The following MAML3 variants were observed in gnomAD, a reference collection of about 807,000 sequenced individuals.
MAML3 encodes mastermind like transcriptional coactivator 3, also known as mastermind-like protein 3.
In MAML3, 27 loss-of-function variants were observed where a neutral mutation model predicts 101.9. The observed-to-expected ratio is 0.27, with a 90% CI of 0.20 to 0.37. The LOEUF is 0.37. Among genes scored for constraint, MAML3 ranks in the 10% least tolerant of loss-of-function variants. MAML3 has a pLI of 1.00. For missense variants in MAML3, 1,316 were observed against 1,444.9 expected (o/e 0.91, Z 1.45); for synonymous variants, 501 against 555.9 (o/e 0.90, Z 1.39).
intron 1 of MAML3, 63 bp downstream of exon 1, chr4:140,152,797 C>A (rs1411579538): frequency 1.4e-5 from 22 of 1,561,438 alleles, no homozygotes; most frequent in African/African-American, 2.7e-5. Context: ...AAGCTCCACG[C>A]GCCCCCCACC....
chr4:140,131,867 C>A (rs546847354), intron 1 of MAML3, among the ~76,000 whole-genome samples: 1 of 152,228 alleles, frequency 6.6e-6, no homozygotes, highest in South Asian at 2.1e-4. Context: ...TGTCTCCACT[C>A]AAAATGAGAC....
In MAML3 at chr4:139,890,803, T is replaced by C; in HGVS notation, c.633A>G (p.Pro211=). The change falls in exon 2 of 5, where the codon CCA becomes CCG. Residue 211 remains proline (P), a synonymous_variant. Coordinates refer to ENST00000509479, the MANE Select transcript of MAML3 (RefSeq NM_018717.5). This position sits in a 1 kb window ranked among gnomAD's most constrained non-coding sequence, Gnocchi z 4.1. ...GGTGAAGAGGAGAAGCTGAAGGCAGTGGCATGTTACTGGGCAAATTGTTGA... is the reference window on the plus strand; with the variant it reads ...GGTGAAGAGGAGAAGCTGAAGGCAGCGGCATGTTACTGGGCAAATTGTTGA... ...EAINNLPSNM[P]LPSASPLHQL... The C allele has an allele frequency of 1.2e-6, 2 of 1,614,052 alleles. No individual in the cohort carries two copies. Among genetic ancestry groups the C allele is most frequent in the East Asian group, 4.5e-5 (2 of 44,886 alleles).
chr4:140,033,783 GA>G (rs1247438289), intron 1 of MAML3, among the ~76,000 whole-genome samples: 1 of 152,236 alleles, frequency 6.6e-6, no homozygotes, highest in East Asian at 1.9e-4. Flanking sequence ...TGTAAGGACT[GA>G]ATAAATGTTC....
intron 2 of MAML3, among the ~76,000 whole-genome samples, chr4:139,869,900 G>A (rs940646607): frequency 9.9e-5 from 15 of 152,172 alleles, no homozygotes; most frequent in Non-Finnish European, 1.9e-4. Context: ...CATTTCATTC[G>A]GTGAGTGTCA....
intron 1 of MAML3, among the ~76,000 whole-genome samples, chr4:140,094,213 G>A (rs1054385067): frequency 2.0e-5 from 3 of 152,200 alleles, no homozygotes; most frequent in Admixed American, 1.3e-4. Flanking sequence ...CTCAGAGAAT[G>A]GACCTGTCTT....
At chr4:140,033,538 A>T (rs1198379235) in intron 1 of MAML3, among the ~76,000 whole-genome samples, 3 of 152,172 alleles carry the variant, frequency 2.0e-5, no homozygotes, top group Non-Finnish European at 2.9e-5. Flanking sequence ...CCCGAATGAC[A>T]TTTGATCGCC....
chr4:140,086,895 C>T (rs958951848), intron 1 of MAML3, among the ~76,000 whole-genome samples: 1 of 152,212 alleles, frequency 6.6e-6, no homozygotes, highest in Non-Finnish European at 1.5e-5. Context: ...CACGGTGGCT[C>T]ACGCCTGTAA....
intron 1 of MAML3, among the ~76,000 whole-genome samples, chr4:140,144,536 A>T (rs1013058416): frequency 6.6e-6 from 1 of 151,846 alleles, no homozygotes; most frequent in Admixed American, 6.6e-5. Flanking sequence ...TCTCCGAAAA[A>T]AAAAGCAAAA....
chr4:139,720,014 AC>A lies in MAML3; in HGVS notation c.2725del (p.Val909LeufsTer4). The A allele has an allele frequency of 6.2e-7, 1 of 1,613,778 alleles. No individual in the cohort carries two copies. The highest frequency in any genetic ancestry group is 8.5e-7 in the Non-Finnish European group (1 of 1,179,844). ...CTGACCAAAGCCACTCACCATTCCA[AC>A]CCCCTGCCCAGAGGCAGGTTGCCTC... ...GPRQPASGQG[V>X]GMVSGFGQSM... On this transcript the variant is annotated frameshift_variant, in exon 5 of 5. Transcript: ENST00000509479. LOFTEE classifies it high-confidence loss of function.
At chr4:140,118,945 C>T (rs1352227246) in intron 1 of MAML3, among the ~76,000 whole-genome samples, 2 of 152,156 alleles carry the variant, frequency 1.3e-5, no homozygotes, top group Non-Finnish European at 2.9e-5. Flanking sequence ...ATCATTCAAA[C>T]CAACCTAATC....
At position 139,720,134 on chromosome 4, in the gene MAML3, G is replaced by C. The variant is rs1275879254; in HGVS notation, c.2606C>G (p.Pro869Arg). Residue 869 changes from proline (P) to arginine (R), a missense_variant, in exon 5 of 5, where the codon CCA (proline) becomes CGA (arginine). Pro to Arg is a moderately radical substitution (Grantham distance 103, BLOSUM62 -2). Coordinates refer to ENST00000509479, the MANE Select transcript of MAML3 (RefSeq NM_018717.5). ...GCCTGTGCTCATATTGTACATTCCT[G>C]GTTGGCTGGTAGGCGTGGTGCTATA... ...APYSTTPTSQPGMYNMSTGMT... is the reference protein window; with the variant it reads ...APYSTTPTSQRGMYNMSTGMT... The C allele has an allele frequency of 6.2e-7, 1 of 1,614,066 alleles. No individual in the cohort carries two copies. The highest frequency in any genetic ancestry group is 1.1e-5 in the South Asian group (1 of 91,086).
rs77317637 is a variant in MAML3, at chr4:140,151,951, C to T, written c.468+909G>A. Among the ~76,000 whole-genome samples, 743 of 152,226 alleles carry T rather than the reference C, an allele frequency of 4.9e-3. 4 individuals are homozygous for T. The highest frequency in any genetic ancestry group is 0.017 in the African/African-American group (712 of 41,538). On this transcript the variant is annotated intron_variant, in intron 1 of 4. Coordinates refer to ENST00000509479, the MANE Select transcript of MAML3 (RefSeq NM_018717.5). ...TTATTAAGCAGGCCCCCAAAGTTGG[C>T]GGGCAGCGGGGCAGGGGGCGCCAAG...
intron 1 of MAML3, among the ~76,000 whole-genome samples, chr4:140,123,567 G>A (rs1428402719): frequency 6.6e-6 from 1 of 152,004 alleles, no homozygotes; most frequent in Non-Finnish European, 1.5e-5. Context: ...TGGTTCCTAA[G>A]TCTGATCCGT....
chr4:139,896,887 G>A (rs1732626653), intron 1 of MAML3, among the ~76,000 whole-genome samples: 1 of 152,150 alleles, frequency 6.6e-6, no homozygotes, highest in African/African-American at 2.4e-5. Context: ...AGAGGGTGTG[G>A]TGGGCGAGGG....
intron 1 of MAML3, among the ~76,000 whole-genome samples, chr4:140,073,298 C>T (rs542920395): frequency 7.7e-4 from 117 of 152,082 alleles, no homozygotes; most frequent in African/African-American, 2.7e-3. Flanking sequence ...CCACCATGCC[C>T]GGCTAATTTT....
At chr4:139,747,718 G>C (rs968957552) in intron 2 of MAML3, among the ~76,000 whole-genome samples, 1 of 150,804 alleles carries the variant, frequency 6.6e-6, no homozygotes, top group East Asian at 2.0e-4. Flanking sequence ...AAAATTCCTT[G>C]CACACATCAT....
chr4:139,911,500 G>A (rs1280543185), intron 1 of MAML3, among the ~76,000 whole-genome samples: 1 of 152,194 alleles, frequency 6.6e-6, no homozygotes, highest in Non-Finnish European at 1.5e-5. Context: ...TTACAGGCGT[G>A]AGCCACTGCG....
chr4:140,148,109 A>C (rs1317102635), intron 1 of MAML3, among the ~76,000 whole-genome samples: 1 of 152,206 alleles, frequency 6.6e-6, no homozygotes, highest in Non-Finnish European at 1.5e-5. Flanking sequence ...AGATGTCAGT[A>C]AACTATGTAC....
At chr4:139,941,685 G>A (rs1224668414) in intron 1 of MAML3, among the ~76,000 whole-genome samples, 1 of 152,176 alleles carries the variant, frequency 6.6e-6, no homozygotes, top group East Asian at 1.9e-4. Context: ...TTGAGTACAT[G>A]TGTGTGTTTA....
Sources: allele counts gnomAD v4.1 joint callset (sites outside exome capture counted in the v4.1 genomes callset), GRCh38; gene constraint gnomAD v4.1.1; non-coding constraint Gnocchi (gnomAD v3.1); transcripts MANE v1.5; gene names NCBI Gene and HGNC (gene_info 2026-07-23, HGNC 2026-07-21).